USP21: variants seen among roughly 807,000 people sequenced by gnomAD.
USP21 encodes the protein ubiquitin carboxyl-terminal hydrolase 21.
Under a neutral mutation model 70.8 loss-of-function variants are expected in USP21, and 37 were observed. That is an observed-to-expected ratio of 0.52 (90% CI 0.40 to 0.69). The LOEUF is 0.69. Among genes scored for constraint, USP21 ranks in the 30% least tolerant of loss-of-function variants. USP21 has a pLI of 0.00. For missense variants in USP21, 584 were observed against 740.8 expected (o/e 0.79, Z 2.46); for synonymous variants, 263 against 283.1 (o/e 0.93, Z 0.71).
chr1:161,162,173 T>C lies in USP21; in HGVS notation c.660+76T>C, dbSNP rs568361669. 6.2e-6 allele frequency: 10 copies of C among 1,612,806 alleles called. No homozygotes were observed. Among genetic ancestry groups the C allele is most frequent in the Non-Finnish European group, 3.4e-6 (4 of 1,178,964 alleles). ...CTGGGGGTGGGGAAAACCCACGAGC[T>C]TGGGGAAGGCATGTGGAAGGAGAGC... On this transcript the variant is annotated intron_variant, in intron 4 of 13. Transcript: ENST00000368002. The surrounding 1 kb of genome is among the most constrained non-coding windows in gnomAD (Gnocchi z 4.1).
Position 161,160,636 on chromosome 1 carries a change from C to T in USP21, c.-5C>T. ...TCCTCCCAGGTCCAGCCTGTGGTGT[C>T]CACAATGCCCCAGGCCTCTGAGCAC... On this transcript the variant is annotated 5_prime_UTR_variant, in exon 3 of 14. Transcript: ENST00000368002. 6.2e-7 allele frequency: 1 copy of T among 1,610,428 alleles called. No individual in the cohort carries two copies. The highest frequency in any genetic ancestry group is 1.3e-5 in the African/African-American group (1 of 74,954).
In USP21 at chr1:161,160,783, T is replaced by C. The variant is rs976462968; in HGVS notation, c.143T>C (p.Met48Thr). The C allele has an allele frequency of 7.4e-6, 12 of 1,613,970 alleles. No individual in the cohort carries two copies. The highest frequency in any genetic ancestry group is 1.0e-5 in the Non-Finnish European group (12 of 1,180,020). The change falls in exon 3 of 14, where the codon ATG becomes ACG. Residue 48 changes from methionine to threonine, a missense_variant. Around this residue, in one of 4 missense-constraint regions of USP21, gnomAD observed 284 missense variants for 281.0 expected, o/e 1.01. Coordinates refer to ENST00000368002, the MANE Select transcript of USP21 (RefSeq NM_001014443.3). Reference protein sequence around the residue: ...RRNPASGPNPMLRPLPPRPGL... With the variant: ...RRNPASGPNPTLRPLPPRPGL... Reference sequence around the variant, plus strand: ...AACCCAGCCTCTGGGCCAAACCCCATGTTACGACCTCTGCCTCCCCGGCCA... The same window carrying C: ...AACCCAGCCTCTGGGCCAAACCCCACGTTACGACCTCTGCCTCCCCGGCCA...
rs889573352 is a variant in USP21 at position 161,162,558 on chromosome 1, T to C, written c.782-57T>C. 5 of 1,534,238 alleles carry C rather than the reference T, an allele frequency of 3.3e-6. No homozygotes were observed. The African/African-American group carries it at 5.5e-5, about 17-fold the overall frequency. ...ATTTTCTACCCTCTGAGCCACCTTT[T>C]GCTTGCCTCTTCCAGACATTAACCT... On this transcript the variant is annotated intron_variant, in intron 5 of 13. Transcript: ENST00000368002. This position sits in a 1 kb window ranked among gnomAD's most constrained non-coding sequence, Gnocchi z 4.1.
chr1:161,164,709 T>C lies in USP21; in HGVS notation c.1384+97T>C, dbSNP rs1038117111. ...AGAATTGAATTTTCCTTAGGAAAAG[T>C]CTGCCACCCACTTTTCCACAAGATG... On this transcript the variant is annotated intron_variant, in intron 11 of 13. Coordinates refer to ENST00000368002, the MANE Select transcript of USP21 (RefSeq NM_001014443.3). The surrounding 1 kb of genome is among the most constrained non-coding windows in gnomAD (Gnocchi z 4.2). 6 of 1,603,696 alleles carry C rather than the reference T, an allele frequency of 3.7e-6. No homozygotes were observed. The African/African-American group carries it at 6.7e-5, about 18-fold the overall frequency.
Position 161,161,521 on chromosome 1 carries a change from C to T in USP21, c.600+281C>T, listed in dbSNP as rs76203176. On this transcript the variant is annotated intron_variant, in intron 3 of 13. Coordinates refer to ENST00000368002, the MANE Select transcript of USP21 (RefSeq NM_001014443.3). The surrounding 1 kb of genome is among the most constrained non-coding windows in gnomAD (Gnocchi z 4.2). ...GTCCCCAGGCCCTTCCTTTCCCTTGCTTGCACCTTCTCTACTGGGACTCTG... is the reference window on the plus strand; with the variant it reads ...GTCCCCAGGCCCTTCCTTTCCCTTGTTTGCACCTTCTCTACTGGGACTCTG... 3,109 of 453,476 alleles carry T rather than the reference C, an allele frequency of 6.9e-3. 75 individuals carry two copies. Among genetic ancestry groups the T allele is most frequent in the African/African-American group, 0.054 (2,741 of 50,908 alleles). The allele number at this position is 453,476 out of a possible 1,614,324, so 28.1% of individuals were successfully genotyped here.
In USP21 at chr1:161,164,091, A is replaced by G. The variant is rs1658210506; in HGVS notation, c.1219-73A>G. 6 of 1,590,646 alleles carry G rather than the reference A, an allele frequency of 3.8e-6. No individual in the cohort carries two copies. Among genetic ancestry groups the G allele is most frequent in the Non-Finnish European group, 5.2e-6 (6 of 1,159,132 alleles). Reference sequence around the variant, plus strand: ...CTGTGGGTTTCTGGAGCAGAACTGAAGCCTGGATTGATTGAGAAGAGTTGG... The same window carrying G: ...CTGTGGGTTTCTGGAGCAGAACTGAGGCCTGGATTGATTGAGAAGAGTTGG... On this transcript the variant is annotated intron_variant, in intron 9 of 13. Transcript: ENST00000368002. This position sits in a 1 kb window ranked among gnomAD's most constrained non-coding sequence, Gnocchi z 4.2.
chr1:161,164,644 AG>A lies in USP21; in HGVS notation c.1384+34del. On this transcript the variant is annotated intron_variant, in intron 11 of 13. Coordinates refer to ENST00000368002, the MANE Select transcript of USP21 (RefSeq NM_001014443.3). This position sits in a 1 kb window ranked among gnomAD's most constrained non-coding sequence, Gnocchi z 4.2. ...TAATCTTCAGATTCTTACTTCTCTTAGGATACCTCCCATACATTCTCTTTCC... is the reference window on the plus strand; with the variant it reads ...TAATCTTCAGATTCTTACTTCTCTTAGATACCTCCCATACATTCTCTTTCC... 6.2e-7 allele frequency: 1 copy of A among 1,614,054 alleles called. No individual in the cohort carries two copies. Among genetic ancestry groups the A allele is most frequent in the Middle Eastern group, 1.6e-4 (1 of 6,062 alleles).
At chr1:161,163,377 C>T (rs1658108089) in intron 7 of USP21, among the ~76,000 whole-genome samples, 178 bp from the exon 8 acceptor site, 1 of 152,122 alleles carries the variant, frequency 6.6e-6, no homozygotes, top group Non-Finnish European at 1.5e-5. Flanking sequence ...CCTCTCACCT[C>T]GGATTTCCCT....
Position 161,165,673 on chromosome 1 carries a change from C to T in USP21, c.*226C>T. 1 of 462,240 alleles carries T rather than the reference C, an allele frequency of 2.2e-6. No homozygotes were observed. The highest frequency in any genetic ancestry group is 3.1e-5 in the East Asian group (1 of 31,820). The allele number at this position is 462,240 out of a possible 1,614,324, so 28.6% of individuals were successfully genotyped here. A position where few individuals can be genotyped will look rare whatever the true frequency, so the allele number is the denominator to read the frequency against. On this transcript the variant is annotated 3_prime_UTR_variant, in exon 14 of 14. Transcript: ENST00000368002. ...ACCAAGCCCCTGCCCATGTACAGCC[C>T]CCAGACCCTCTGCAATATCACTTTT... is the stretch of plus-strand genomic sequence containing the variant.
At chr1:161,163,857 T>G (rs1362981117) in intron 8 of USP21, 21 bp from the exon 9 acceptor site, 1 of 1,603,838 alleles carries the variant, frequency 6.2e-7, no homozygotes, top group South Asian at 1.1e-5. Flanking sequence ...CCTTTTCTCC[T>G]GTCCCTGTGC....
rs1447632624 is a variant in USP21 at position 161,160,937 on chromosome 1, T to G, written c.297T>G (p.Ala99=). The change falls in exon 3 of 14, where the codon GCT becomes GCG. Residue 99 remains alanine, a synonymous_variant. Transcript: ENST00000368002. ...CTGGCTCACCACCCCCAACAGTGGC[T>G]TTGCCTCTCCCATCTCGGACCAACT... is the stretch of plus-strand genomic sequence containing the variant. The part of the protein sequence containing the change: ...PLPGSPPPTV[A]LPLPSRTNLA... 4 of 1,614,084 alleles carry G rather than the reference T, an allele frequency of 2.5e-6. No individual in the cohort carries two copies. In the African/African-American group the frequency reaches 5.3e-5, roughly 22 times the overall value.
chr1:161,161,981 G>A lies in USP21; in HGVS notation c.601-57G>A. ...GGCAGTGGGCAGCATGCTGTTGAAA[G>A]GTTAAAGTGCCAGGTAGGATATATA... On this transcript the variant is annotated intron_variant, in intron 3 of 13. Coordinates refer to ENST00000368002, the MANE Select transcript of USP21 (RefSeq NM_001014443.3). The surrounding 1 kb of genome is among the most constrained non-coding windows in gnomAD (Gnocchi z 4.2). The A allele has an allele frequency of 1.9e-6, 3 of 1,563,982 alleles. No individual in the cohort carries two copies. Among genetic ancestry groups the A allele is most frequent in the Non-Finnish European group, 2.6e-6 (3 of 1,134,388 alleles).
At position 161,163,676 on chromosome 1, in the gene USP21, TG is replaced by T. The variant is rs567783808; in HGVS notation, c.1114+63del. 2,167 of 1,074,320 alleles carry T rather than the reference TG, an allele frequency of 2.0e-3. 8 individuals carry two copies. The highest frequency in any genetic ancestry group is 4.7e-3 in the Middle Eastern group (22 of 4,636). The allele number at this position is 1,074,320 out of a possible 1,614,324, so 66.5% of individuals were successfully genotyped here. A position where few individuals can be genotyped will look rare whatever the true frequency, so the allele number is the denominator to read the frequency against. ...TTAGTGTGTGAGGGGGGTACAGGCT[TG>T]GGGGGAAAAATCGATACTATCAAGG... On this transcript the variant is annotated intron_variant, in intron 8 of 13. Coordinates refer to ENST00000368002, the MANE Select transcript of USP21 (RefSeq NM_001014443.3).
intron 13 of USP21, 50 bp from the exon 14 acceptor site, chr1:161,165,307 G>A (rs1033164615): frequency 5.8e-6 from 9 of 1,558,616 alleles, no homozygotes; most frequent in South Asian, 1.1e-5. Context: ...TAGGGAGAAG[G>A]GAGTAAACAG....
Position 161,165,430 on chromosome 1 carries a change from C to A in USP21, c.1681C>A (p.Pro561Thr), listed in dbSNP as rs1316186999. ...YVLFYQLMQE[P>T]PRCL Reference sequence around the variant, plus strand: ...GCTGTTCTACCAACTGATGCAGGAGCCACCCCGGTGCCTGTGACACCTCTA... The same window carrying A: ...GCTGTTCTACCAACTGATGCAGGAGACACCCCGGTGCCTGTGACACCTCTA... The change falls in exon 14 of 14, where the codon CCA (proline) becomes ACA (threonine). Residue 561 changes from proline (P) to threonine (T), a missense_variant. By Grantham distance (38) the Pro-to-Thr change is conservative (BLOSUM62 -1). Coordinates refer to ENST00000368002, the MANE Select transcript of USP21 (RefSeq NM_001014443.3). The A allele has an allele frequency of 1.9e-6, 3 of 1,613,974 alleles. No individual in the cohort carries two copies.
chr1:161,164,747 C>T lies in USP21; in HGVS notation c.1385-88C>T, dbSNP rs1469193597. On this transcript the variant is annotated intron_variant, in intron 11 of 13. Coordinates refer to ENST00000368002, the MANE Select transcript of USP21 (RefSeq NM_001014443.3). This position sits in a 1 kb window ranked among gnomAD's most constrained non-coding sequence, Gnocchi z 4.2. ...TTTCCACAAGATGCTCCCAGTGTGT[C>T]GGGAGTGGGGAGAGGACAGCTTTCA... 8.8e-6 allele frequency: 14 copies of T among 1,596,926 alleles called. No individual in the cohort carries two copies. The highest frequency in any genetic ancestry group is 6.7e-5 in the East Asian group (3 of 44,706).
At chr1:161,163,097 C>T in intron 7 of USP21, 23 bp downstream of exon 7, 1 of 1,565,046 alleles carries the variant, frequency 6.4e-7, no homozygotes. Context: ...CCCTCTACCT[C>T]CTTTCCCCGT....
At position 161,161,169 on chromosome 1, in the gene USP21, C is replaced by T. The variant is rs373371747; in HGVS notation, c.529C>T (p.Pro177Ser). 18 of 1,613,864 alleles carry T rather than the reference C, an allele frequency of 1.1e-5. No homozygotes were observed. In the African/African-American group the frequency reaches 2.3e-4, roughly 20 times the overall value. Reference protein sequence around the residue: ...PTLFSIRTEPPASHGSFHMIS... With the variant: ...PTLFSIRTEPSASHGSFHMIS... ...CCTGTTCAGCATACGGACAGAGCCC[C>T]CTGCTTCCCATGGCTCCTTCCACAT... Residue 177 changes from proline (P) to serine (S), a missense_variant, in exon 3 of 14, where the codon CCT becomes TCT. By Grantham distance (74) the Pro-to-Ser change is moderately conservative. Coordinates refer to ENST00000368002, the MANE Select transcript of USP21 (RefSeq NM_001014443.3). This position sits in a 1 kb window ranked among gnomAD's most constrained non-coding sequence, Gnocchi z 4.2.
At position 161,164,899 on chromosome 1, in the gene USP21, A is replaced by T. The variant is rs1467782864; in HGVS notation, c.1449A>T (p.Pro483=). The change falls in exon 12 of 14, where the codon CCA becomes CCT. Residue 483 remains proline, a synonymous_variant. Coordinates refer to ENST00000368002, the MANE Select transcript of USP21 (RefSeq NM_001014443.3). This position sits in a 1 kb window ranked among gnomAD's most constrained non-coding sequence, Gnocchi z 4.2. ...AAAGTTCAGTAGGTGTAGACTTTCCACTGCAGCGACTGAGCCTAGGGGACT... is the reference window on the plus strand; with the variant it reads ...AAAGTTCAGTAGGTGTAGACTTTCCTCTGCAGCGACTGAGCCTAGGGGACT... ...IKKSSVGVDF[P]LQRLSLGDFA... is the part of the protein sequence containing the mutation. The T allele has an allele frequency of 6.2e-7, 1 of 1,614,128 alleles. No individual in the cohort carries two copies. The highest frequency in any genetic ancestry group is 8.5e-7 in the Non-Finnish European group (1 of 1,180,000).
Sources: gnomAD v4.1 joint callset for allele counts (sites outside exome capture counted in the v4.1 genomes callset) on GRCh38, gnomAD v4.1.1 for gene constraint, gnomAD v4.1.1 regional missense constraint, Gnocchi (gnomAD v3.1) non-coding constraint, MANE v1.5 for transcripts, NCBI Gene and HGNC (gene_info 2026-07-23, HGNC 2026-07-21) for gene names.